The following PCDHGB1 variants were observed in gnomAD, a reference collection of about 807,000 sequenced individuals.
PCDHGB1 encodes protocadherin gamma subfamily B, 1.
In PCDHGB1, 34 loss-of-function variants were observed where a neutral mutation model predicts 56.6. That is an observed-to-expected ratio of 0.60 (90% CI 0.46 to 0.80). The LOEUF is 0.80. PCDHGB1 is among the 30% of genes least tolerant of loss of function. The probability of loss-of-function intolerance (pLI) is 0.00; values close to 1 mark genes in which losing one functional copy is unlikely to be tolerated. For synonymous variants in PCDHGB1, 561 were observed against 505.9 expected, an observed-to-expected ratio of 1.11 and a Z score of -1.46; for missense variants, 1,278 against 1,204.6, an observed-to-expected ratio of 1.06 and a Z score of -0.90.
chr5:141,422,398 C>T lies in PCDHGB1; in HGVS notation c.2409+69729C>T, dbSNP rs2096646163. On this transcript the variant is annotated intron_variant, in intron 1 of 3. Transcript: ENST00000523390. Reference sequence around the variant, plus strand: ...AGTCTCCTGTTTTATTCCTAACCACCTGCCTTTTAAATTAGAAAAGACTTA... The same window carrying T: ...AGTCTCCTGTTTTATTCCTAACCACTTGCCTTTTAAATTAGAAAAGACTTA... The T allele has an allele frequency of 1.9e-6, 3 of 1,597,634 alleles. No individual in the cohort carries two copies. In the Admixed American group the frequency reaches 5.3e-5, roughly 28 times the overall value.
chr5:141,390,098 C>A (rs2092044435), intron 1 of PCDHGB1: 1 of 1,613,924 alleles, frequency 6.2e-7, no homozygotes, highest in Non-Finnish European at 8.5e-7. Context: ...CCGTGGTTCC[C>A]CCCAACTACA....
chr5:141,403,850 G>A lies in PCDHGB1; in HGVS notation c.2409+51181G>A, dbSNP rs368454282. The A allele has an allele frequency of 1.4e-5, 23 of 1,613,634 alleles. No individual in the cohort carries two copies. In the African/African-American group the frequency reaches 3.1e-4, roughly 22 times the overall value. On this transcript the variant is annotated intron_variant, in intron 1 of 3. Coordinates refer to ENST00000523390, the MANE Select transcript of PCDHGB1 (RefSeq NM_018922.3). Reference sequence around the variant, plus strand: ...ATTCCAGCTTAATGAAAATACTGGGGAAATATCAACAGCAAAAAGTCTAGA... The same window carrying A: ...ATTCCAGCTTAATGAAAATACTGGGAAAATATCAACAGCAAAAAGTCTAGA...
In PCDHGB1 at chr5:141,374,203, G is replaced by T. The variant is rs375029709; in HGVS notation, c.2409+21534G>T. On this transcript the variant is annotated intron_variant, in intron 1 of 3. Transcript: ENST00000523390. ...GCTACTCTATTCCCGAGGAGCTGGA[G>T]AAAGGCTCCTTCGTAGGCAACATCG... 4.3e-6 allele frequency: 7 copies of T among 1,613,808 alleles called. No homozygotes were observed. The East Asian group carries it at 1.1e-4, about 26-fold the overall frequency.
At position 141,476,002 on chromosome 5, in the gene PCDHGB1, C is replaced by A; in HGVS notation, c.2410-18805C>A. 1 of 1,247,396 alleles carries A rather than the reference C, an allele frequency of 8.0e-7. No individual in the cohort carries two copies. Among genetic ancestry groups the A allele is most frequent in the Non-Finnish European group, 1.1e-6 (1 of 904,880 alleles). 77.3% of individuals were successfully genotyped at this position (1,247,396 alleles called of 1,614,324 possible). ...AGCCGGCGAGCAAATCAACGGCATC[C>A]AGAAAGCCATGTCGGACTCGGCGCC... On this transcript the variant is annotated intron_variant, in intron 1 of 3. Transcript: ENST00000523390. This position sits in a 1 kb window ranked among gnomAD's most constrained non-coding sequence, Gnocchi z 7.6.
intron 1 of PCDHGB1, chr5:141,442,020 A>G (rs1461958612): frequency 4.6e-6 from 1 of 219,170 alleles, no homozygotes; most frequent in South Asian, 5.2e-5. Context: ...GATGGGCCAC[A>G]GGAAAGCGAC....
chr5:141,482,530 C>CAAAAAAAAAAAAAAAAAA (rs3074545), intron 1 of PCDHGB1, among the ~76,000 whole-genome samples: 1 of 76,562 alleles, frequency 1.3e-5, no homozygotes, highest in Non-Finnish European at 2.6e-5. Flanking sequence ...GACAGACATG[C>CAAAAAAAAAAAAAAAAAA]AAAAAAAAAA....
chr5:141,404,890 A>G (rs745830169), intron 1 of PCDHGB1: 1 of 1,613,870 alleles, frequency 6.2e-7, no homozygotes, highest in Middle Eastern at 1.6e-4. Context: ...TGGTGGCTGT[A>G]CAGGACCATG....
At chr5:141,397,027 G>A (rs1374788251) in intron 1 of PCDHGB1, among the ~76,000 whole-genome samples, 1 of 152,200 alleles carries the variant, frequency 6.6e-6, no homozygotes, top group Non-Finnish European at 1.5e-5. Flanking sequence ...GTTGACCAAT[G>A]TCCACAAATT....
intron 1 of PCDHGB1, chr5:141,424,664 A>G (rs923488035): frequency 1.3e-5 from 2 of 152,124 alleles, no homozygotes; most frequent in African/African-American, 4.8e-5. Context: ...CTTTAATTAA[A>G]CTGATTTAGC....
intron 1 of PCDHGB1, chr5:141,413,935 A>G: frequency 1.2e-6 from 2 of 1,613,372 alleles, no homozygotes; most frequent in Non-Finnish European, 1.7e-6. Flanking sequence ...ATACCGAGTG[A>G]GTGTTCCTGA....
chr5:141,457,079 C>T (rs114054058), intron 1 of PCDHGB1, among the ~76,000 whole-genome samples: 2,973 of 152,194 alleles, frequency 0.02, 43 homozygotes, highest in African/African-American at 0.029. Flanking sequence ...AACTATTATC[C>T]CTGCTATAAG....
intron 1 of PCDHGB1, chr5:141,413,946 G>A: frequency 6.2e-7 from 1 of 1,613,414 alleles, no homozygotes; most frequent in Non-Finnish European, 8.5e-7. Flanking sequence ...GTGTTCCTGA[G>A]AATTTGCCTG....
chr5:141,484,788 TAAC>T (rs1245576501), intron 1 of PCDHGB1, among the ~76,000 whole-genome samples: 1 of 151,732 alleles, frequency 6.6e-6, no homozygotes, highest in Non-Finnish European at 1.5e-5. Flanking sequence ...CCCACAGAGA[TAAC>T]AACCCGTGGA....
intron 1 of PCDHGB1, chr5:141,390,359 C>T: frequency 1.3e-6 from 2 of 1,538,574 alleles, no homozygotes; most frequent in Admixed American, 1.9e-5. Flanking sequence ...TACATATTTG[C>T]AGGAAAATAT....
rs190449546 is a variant in PCDHGB1, at chr5:141,371,792, G to T, written c.2409+19123G>T. ...CCGTGCATGTAGCTGAGAACAATCC[G>T]CCTGGAGCCTCCATTGCGCATGTCA... On this transcript the variant is annotated intron_variant, in intron 1 of 3. Transcript: ENST00000523390. The T allele has an allele frequency of 2.8e-4, 458 of 1,613,872 alleles. 2 individuals are homozygous for T. In the African/African-American group the frequency reaches 4.6e-3, roughly 16 times the overall value.
intron 1 of PCDHGB1, chr5:141,402,790 A>T: frequency 2.1e-6 from 2 of 961,358 alleles, no homozygotes; most frequent in Non-Finnish European, 2.9e-6. Context: ...TTCTGCGGCT[A>T]CACAAAACCC....
intron 1 of PCDHGB1, among the ~76,000 whole-genome samples, chr5:141,488,423 T>C (rs1204233986): frequency 2.0e-5 from 3 of 152,354 alleles, no homozygotes; most frequent in Non-Finnish European, 4.4e-5. Context: ...CCATCCATGC[T>C]TGGCCTCTGA....
At position 141,489,437 on chromosome 5, in the gene PCDHGB1, T is replaced by C; in HGVS notation, c.2410-5370T>C. The C allele has an allele frequency of 6.2e-7, 1 of 1,614,110 alleles. No individual in the cohort carries two copies. Among genetic ancestry groups the C allele is most frequent in the Non-Finnish European group, 8.5e-7 (1 of 1,180,020 alleles). ...GATCTGTTGAGCCGGCGGCTGCAATTGGGCTCTGAGGAGAATGGGCGCTAT... is the reference window on the plus strand; with the variant it reads ...GATCTGTTGAGCCGGCGGCTGCAATCGGGCTCTGAGGAGAATGGGCGCTAT... On this transcript the variant is annotated intron_variant, in intron 1 of 3. Transcript: ENST00000523390. This position sits in a 1 kb window ranked among gnomAD's most constrained non-coding sequence, Gnocchi z 4.5.
Position 141,352,117 on chromosome 5 carries a change from G to A in PCDHGB1, c.1857G>A (p.Thr619=), listed in dbSNP as rs1437830305. 1.9e-6 allele frequency: 3 copies of A among 1,608,576 alleles called. No homozygotes were observed. Among genetic ancestry groups the A allele is most frequent in the Admixed American group, 3.4e-5 (2 of 59,648 alleles). Residue 619 remains threonine, a synonymous_variant, in exon 1 of 4, where the codon ACG becomes ACA. Coordinates refer to ENST00000523390, the MANE Select transcript of PCDHGB1 (RefSeq NM_018922.3). The part of the protein sequence containing the change: ...EPGLFSLGLR[T]GEVRTARALG... ...GGCTCTTCAGCCTGGGGTTGCGCAC[G>A]GGTGAGGTGCGCACAGCGCGTGCCT... is the stretch of plus-strand genomic sequence containing the variant.
Sources: gnomAD v4.1 joint callset for allele counts (sites outside exome capture counted in the v4.1 genomes callset) on GRCh38, gnomAD v4.1.1 for gene constraint, Gnocchi (gnomAD v3.1) non-coding constraint, MANE v1.5 for transcripts, NCBI Gene and HGNC (gene_info 2026-07-23, HGNC 2026-07-21) for gene names.